SPAG16: variants seen among roughly 807,000 people sequenced by gnomAD.
SPAG16 encodes the protein sperm associated antigen 16.
A neutral mutation model predicts 80.4 loss-of-function variants in SPAG16; 86 were observed. The observed-to-expected ratio is 1.07, with a 90% CI of 0.90 to 1.28. The LOEUF is 1.28. Ranked by LOEUF, SPAG16 falls within the 50% of genes most tolerant of loss-of-function variation. The pLI is 0.00. For missense variants in SPAG16, 870 were observed against 765.3 expected (o/e 1.14, Z -1.61); for synonymous variants, 294 against 265.9 (o/e 1.11, Z -1.03).
chr2:214,217,594 A>G (rs746439648), intron 15 of SPAG16, among the ~76,000 whole-genome samples: 1 of 152,230 alleles, frequency 6.6e-6, no homozygotes, highest in Non-Finnish European at 1.5e-5. Flanking sequence ...CACAAAAATC[A>G]TAGTAGAGAT....
chr2:214,038,787 G>A (rs1023531473), intron 13 of SPAG16, among the ~76,000 whole-genome samples: 17 of 149,288 alleles, frequency 1.1e-4, no homozygotes, highest in Admixed American at 2.7e-4. Context: ...GTGAGAACAC[G>A]CAGTGTTTGG....
chr2:213,658,746 AAAC>A (rs1472861852), intron 10 of SPAG16, among the ~76,000 whole-genome samples: 2 of 152,178 alleles, frequency 1.3e-5, no homozygotes, highest in African/African-American at 4.8e-5. Flanking sequence ...TTTATTTGAA[AAAC>A]AACACTAGGC....
intron 14 of SPAG16, among the ~76,000 whole-genome samples, chr2:214,123,340 C>G (rs2054310185): frequency 6.6e-6 from 1 of 151,836 alleles, no homozygotes; most frequent in Non-Finnish European, 1.5e-5. Flanking sequence ...GTTGATGGGT[C>G]TATGAAAATT....
At chr2:214,052,554 T>C (rs1012119091) in intron 13 of SPAG16, among the ~76,000 whole-genome samples, 1 of 152,198 alleles carries the variant, frequency 6.6e-6, no homozygotes, top group Admixed American at 6.5e-5. Flanking sequence ...GGAATCAAGG[T>C]CCAGTCTATA....
intron 10 of SPAG16, among the ~76,000 whole-genome samples, chr2:213,786,700 T>G (rs919777271): frequency 5.9e-5 from 9 of 152,176 alleles, no homozygotes; most frequent in Non-Finnish European, 1.3e-4. Flanking sequence ...AATAGTTGAC[T>G]AAGAGCTTAA....
intron 10 of SPAG16, among the ~76,000 whole-genome samples, chr2:213,684,817 T>C (rs1416410889): frequency 6.6e-6 from 1 of 152,202 alleles, no homozygotes; most frequent in African/African-American, 2.4e-5. Context: ...TGAGGATAAA[T>C]GGTAAGCAAA....
chr2:213,944,854 C>A (rs187271956), intron 12 of SPAG16, among the ~76,000 whole-genome samples: 18 of 151,966 alleles, frequency 1.2e-4, no homozygotes, highest in African/African-American at 4.1e-4. Flanking sequence ...CATGAGATGG[C>A]GAAACCCCGT....
chr2:213,316,035 A>G (rs1331495428), intron 4 of SPAG16, among the ~76,000 whole-genome samples: 1 of 151,922 alleles, frequency 6.6e-6, no homozygotes, highest in Non-Finnish European at 1.5e-5. Context: ...AGTATCTATA[A>G]TGTTGATTAC....
chr2:213,652,244 C>T (rs1192285276), intron 10 of SPAG16, among the ~76,000 whole-genome samples: 9 of 151,970 alleles, frequency 5.9e-5, no homozygotes, highest in Non-Finnish European at 1.3e-4. Context: ...TAGTGCTTGT[C>T]TCATTATGTT....
chr2:213,720,394 G>A (rs1281941921), intron 10 of SPAG16, among the ~76,000 whole-genome samples: 4 of 151,482 alleles, frequency 2.6e-5, no homozygotes, highest in Admixed American at 6.6e-5. Flanking sequence ...TTGGGAGGCC[G>A]AGGTGGGCAG....
chr2:214,379,629 G>A (rs941713949), intron 15 of SPAG16, among the ~76,000 whole-genome samples: 27 of 152,190 alleles, frequency 1.8e-4, no homozygotes, highest in Admixed American at 2.6e-4. Context: ...TAGAGATAGA[G>A]GTGAGGAAAG....
chr2:214,211,005 G>A (rs971209189), intron 15 of SPAG16, among the ~76,000 whole-genome samples: 4 of 151,934 alleles, frequency 2.6e-5, no homozygotes, highest in African/African-American at 7.3e-5. Context: ...AGCAATGAAC[G>A]TTATGCACCA....
chr2:213,927,768 G>A (rs1470618566), intron 11 of SPAG16, among the ~76,000 whole-genome samples: 3 of 152,002 alleles, frequency 2.0e-5, no homozygotes, highest in African/African-American at 4.8e-5. Flanking sequence ...TTATATGAGA[G>A]GGTTTTTCAG....
chr2:214,382,945 C>A (rs1326481891), intron 15 of SPAG16, among the ~76,000 whole-genome samples: 2 of 152,082 alleles, frequency 1.3e-5, no homozygotes, highest in African/African-American at 4.8e-5. Context: ...CCATGCCTAT[C>A]CCCATGCCTG....
intron 15 of SPAG16, among the ~76,000 whole-genome samples, chr2:214,398,900 A>G (rs1047360314): frequency 3.3e-5 from 5 of 152,198 alleles, no homozygotes; most frequent in Admixed American, 1.3e-4. Flanking sequence ...CTATGATTCA[A>G]TATCTTTCTC....
chr2:214,241,538 C>T (rs1235640007), intron 15 of SPAG16, among the ~76,000 whole-genome samples: 1 of 152,088 alleles, frequency 6.6e-6, no homozygotes, highest in African/African-American at 2.4e-5. Context: ...GTAAATATGG[C>T]TTTATTGTTT....
intron 10 of SPAG16, among the ~76,000 whole-genome samples, chr2:213,730,668 C>T (rs2066990730): frequency 6.6e-6 from 1 of 152,110 alleles, no homozygotes; most frequent in African/African-American, 2.4e-5. Context: ...AGTTCTCCTA[C>T]TTGGTGTTCT....
At chr2:213,864,688 G>A (rs2075615822) in intron 11 of SPAG16, among the ~76,000 whole-genome samples, 1 of 151,752 alleles carries the variant, frequency 6.6e-6, no homozygotes, top group African/African-American at 2.4e-5. Context: ...CTGTTAGCTG[G>A]ATGTATTCCT....
chr2:214,053,179 C>G (rs182326433), intron 13 of SPAG16, among the ~76,000 whole-genome samples: 1 of 152,162 alleles, frequency 6.6e-6, no homozygotes, highest in South Asian at 2.1e-4. Flanking sequence ...GCATAAAATA[C>G]GGATGACAGC....
Sources: gnomAD v4.1 joint callset for allele counts (sites outside exome capture counted in the v4.1 genomes callset) on GRCh38, gnomAD v4.1.1 for gene constraint, MANE v1.5 for transcripts, NCBI Gene and HGNC (gene_info 2026-07-23, HGNC 2026-07-21) for gene names.